Variants in IKZF2 observed in about 807,000 individuals in gnomAD.
The protein encoded by IKZF2 is IKAROS family zinc finger 2.
IKZF2 carries 15 observed loss-of-function variants against 49.2 expected under a neutral mutation model. That is an observed-to-expected ratio of 0.30 (90% CI 0.20 to 0.47). IKZF2 has a LOEUF of 0.47. Among genes scored for constraint, IKZF2 ranks in the 20% least tolerant of loss-of-function variants. The pLI, the probability that IKZF2 is intolerant of heterozygous loss-of-function variation, is 1.00. For missense variants in IKZF2, 567 were observed against 664.6 expected (o/e 0.85, Z 1.61); for synonymous variants, 227 against 221.4 (o/e 1.03, Z -0.23).
At chr2:213,101,035 G>C (rs1010043356) in intron 4 of IKZF2, among the ~76,000 whole-genome samples, 3 of 151,700 alleles carry the variant, frequency 2.0e-5, no homozygotes, top group Non-Finnish European at 4.4e-5. Context: ...GAGAGAGAAA[G>C]AAAGAGAGAG....
chr2:213,149,778 C>CA (rs1491557723), intron 2 of IKZF2, among the ~76,000 whole-genome samples: 22 of 102,636 alleles, frequency 2.1e-4, no homozygotes, highest in Middle Eastern at 4.3e-3. Flanking sequence ...CACTCCCTTA[C>CA]CCCCCCCCCA....
chr2:213,146,761 G>GGC (rs2061082253), intron 4 of IKZF2, among the ~76,000 whole-genome samples: 1 of 135,344 alleles, frequency 7.4e-6, no homozygotes, highest in African/African-American at 2.7e-5. Flanking sequence ...TAAATCTTCG[G>GGC]GGGGGGGGAA....
At chr2:213,100,024 G>C (rs1458141830) in intron 4 of IKZF2, among the ~76,000 whole-genome samples, 1 of 151,974 alleles carries the variant, frequency 6.6e-6, no homozygotes, top group Non-Finnish European at 1.5e-5. Flanking sequence ...GTGGGTTTTT[G>C]ATATGTTTAT....
chr2:213,074,352 C>T lies in IKZF2; in HGVS notation c.140-17253G>A, dbSNP rs148093649. On this transcript the variant is annotated intron_variant, in intron 4 of 8. Transcript: ENST00000434687. ...GTATGGTATATATTGCCTGTTGTTCCTAAGCTACAAACCTGCACAGCATGT... is the reference window on the plus strand; with the variant it reads ...GTATGGTATATATTGCCTGTTGTTCTTAAGCTACAAACCTGCACAGCATGT... Among the ~76,000 whole-genome samples, 25 of 152,228 alleles carry T rather than the reference C, an allele frequency of 1.6e-4. No homozygotes were observed. In the East Asian group the frequency reaches 4.6e-3, roughly 28 times the overall value.
intron 4 of IKZF2, among the ~76,000 whole-genome samples, chr2:213,091,240 T>G (rs984597482): frequency 6.6e-6 from 1 of 152,166 alleles, no homozygotes. Context: ...TCACTAAAAA[T>G]AATATTTTTA....
intron 4 of IKZF2, among the ~76,000 whole-genome samples, chr2:213,101,497 A>G (rs547645558): frequency 6.6e-6 from 1 of 152,078 alleles, no homozygotes; most frequent in Non-Finnish European, 1.5e-5. Flanking sequence ...TTTCCTTCAC[A>G]TTGATGTTTT....
At chr2:213,106,225 A>T (rs1346660953) in intron 4 of IKZF2, among the ~76,000 whole-genome samples, 6 of 135,450 alleles carry the variant, frequency 4.4e-5, no homozygotes, top group South Asian at 2.1e-4. Flanking sequence ...ATCTTTTTTT[A>T]AAAAAATCTC....
In IKZF2 at chr2:213,072,353, T is replaced by G. The variant is rs189087126; in HGVS notation, c.140-15254A>C. On this transcript the variant is annotated intron_variant, in intron 4 of 8. Transcript: ENST00000434687. ...TCCCTAAATGTTACTAGTCAGCTAA[T>G]TCTTTTCTTTAAAAACTCATTTTGT... Among the ~76,000 whole-genome samples the G allele has an allele frequency of 3.3e-5, 5 of 151,838 alleles. No individual in the cohort carries two copies. In the East Asian group the frequency reaches 7.8e-4, roughly 24 times the overall value.
At chr2:213,079,473 GA>G (rs1274357664) in intron 4 of IKZF2, among the ~76,000 whole-genome samples, 2 of 115,614 alleles carry the variant, frequency 1.7e-5, no homozygotes, top group African/African-American at 3.7e-5. Flanking sequence ...GGAAAGGAGG[GA>G]GGGGGAGAGA....
At chr2:213,094,632 G>A (rs962530584) in intron 4 of IKZF2, among the ~76,000 whole-genome samples, 6 of 152,260 alleles carry the variant, frequency 3.9e-5, no homozygotes, top group African/African-American at 1.4e-4. Context: ...AAGCTCTTGG[G>A]ATGAAGGGAG....
intron 4 of IKZF2, among the ~76,000 whole-genome samples, chr2:213,065,955 T>A (rs1229092394): frequency 6.6e-6 from 1 of 152,090 alleles, no homozygotes; most frequent in African/African-American, 2.4e-5. Context: ...AAGAGAAAGT[T>A]GTCTGAGTAA....
chr2:213,028,479 A>C (rs1343933533), intron 6 of IKZF2, among the ~76,000 whole-genome samples: 1 of 152,154 alleles, frequency 6.6e-6, no homozygotes, highest in East Asian at 1.9e-4. Context: ...TCTTAACAAT[A>C]CTGAATCTTT....
chr2:213,041,396 G>A (rs1009998439), intron 6 of IKZF2, among the ~76,000 whole-genome samples: 6 of 152,014 alleles, frequency 3.9e-5, no homozygotes, highest in South Asian at 2.1e-4. Flanking sequence ...TCCGCCTCCC[G>A]GGATCAAGCA....
At chr2:213,116,721 AGAGTGAGACCCT>A (rs907135727) in intron 4 of IKZF2, among the ~76,000 whole-genome samples, 1 of 152,216 alleles carries the variant, frequency 6.6e-6, no homozygotes, top group African/African-American at 2.4e-5. Context: ...CCTGGGTGAC[AGAGTGAGACCCT>A]GTCTCACACA....
At chr2:213,111,636 T>C (rs1286245545) in intron 4 of IKZF2, among the ~76,000 whole-genome samples, 1 of 152,116 alleles carries the variant, frequency 6.6e-6, no homozygotes, top group East Asian at 1.9e-4. Context: ...AAACAAAATC[T>C]ACCTAGTTTC....
chr2:213,151,743 G>GGGCGGCT (rs1181618963), upstream of IKZF2: 3 of 143,342 alleles, frequency 2.1e-5, no homozygotes, highest in Non-Finnish European at 3.0e-5. Flanking sequence ...CGGCGGCGGC[G>GGGCGGCT]GGCGGCTGGC....
intron 4 of IKZF2, among the ~76,000 whole-genome samples, chr2:213,109,596 A>T (rs545953909): frequency 1.1e-4 from 16 of 152,052 alleles, no homozygotes; most frequent in Admixed American, 4.6e-4. Flanking sequence ...CTTGAATCCC[A>T]TTTCCAAACA....
chr2:213,027,225 T>G (rs575700658), intron 6 of IKZF2, among the ~76,000 whole-genome samples: 1 of 152,216 alleles, frequency 6.6e-6, no homozygotes, highest in East Asian at 1.9e-4. Flanking sequence ...CCCTCTCAAT[T>G]CTCACTTCTG....
chr2:213,105,706 T>C (rs181425026), intron 4 of IKZF2, among the ~76,000 whole-genome samples: 64 of 152,232 alleles, frequency 4.2e-4, no homozygotes, highest in Non-Finnish European at 8.5e-4. Context: ...CTTTTTAAAT[T>C]TGTGATTATC....
Sources: gnomAD v4.1 joint callset for allele counts (sites outside exome capture counted in the v4.1 genomes callset) on GRCh38, gnomAD v4.1.1 for gene constraint, MANE v1.5 for transcripts, NCBI Gene and HGNC (gene_info 2026-07-23, HGNC 2026-07-21) for gene names.